NRIP1: variants seen among roughly 807,000 people sequenced by gnomAD.
The protein encoded by NRIP1 is nuclear receptor-interacting protein 1.
Under a neutral mutation model 75.0 loss-of-function variants are expected in NRIP1, and 28 were observed. The ratio of observed to expected loss-of-function variants is 0.37; its 90% CI spans 0.28 to 0.51. The LOEUF (loss-of-function observed/expected upper bound fraction) is 0.51. NRIP1 is among the 20% of genes least tolerant of loss of function. The pLI is 0.92. For synonymous variants in NRIP1, 526 were observed against 487.6 expected, an observed-to-expected ratio of 1.08 and a Z score of -1.04; for missense variants, 1,435 against 1,343.7, an observed-to-expected ratio of 1.07 and a Z score of -1.06.
chr21:15,032,171 T>C (rs1314077091), intron 2 of NRIP1, among the ~76,000 whole-genome samples: 1 of 152,236 alleles, frequency 6.6e-6, no homozygotes, highest in African/African-American at 2.4e-5. Flanking sequence ...AGGGTTTTGA[T>C]TTTTAGCTCA....
intron 2 of NRIP1, among the ~76,000 whole-genome samples, chr21:15,042,826 G>A (rs1256265950): frequency 6.6e-6 from 1 of 152,140 alleles, no homozygotes; most frequent in Non-Finnish European, 1.5e-5. Context: ...CTAAGATAAG[G>A]TACAAAAGAC....
At chr21:15,012,842 T>G (rs544939437) in intron 3 of NRIP1, among the ~76,000 whole-genome samples, 2 of 152,314 alleles carry the variant, frequency 1.3e-5, no homozygotes, top group East Asian at 3.9e-4. Context: ...TGGCTACCTA[T>G]AATTTACTTA....
chr21:14,977,277 A>T (rs2087099262), intron 3 of NRIP1, among the ~76,000 whole-genome samples: 1 of 152,208 alleles, frequency 6.6e-6, no homozygotes, highest in East Asian at 1.9e-4. Flanking sequence ...TTTTATTTAA[A>T]AAAAATACAG....
At chr21:15,040,106 A>T (rs971248071) in intron 2 of NRIP1, among the ~76,000 whole-genome samples, 4 of 152,086 alleles carry the variant, frequency 2.6e-5, no homozygotes, top group Admixed American at 1.3e-4. Context: ...ATCACTAGAC[A>T]CATGTGGCTA....
In NRIP1 at chr21:14,967,666, C is replaced by G; in HGVS notation, c.527G>C (p.Arg176Thr). The change falls in exon 4 of 4, where the codon AGG becomes ACG. Residue 176 changes from arginine to threonine, a missense_variant. By Grantham distance (71) the Arg-to-Thr change is moderately conservative. Coordinates refer to ENST00000318948, the MANE Select transcript of NRIP1 (RefSeq NM_003489.4). ...GTGACTTGATGCAACACCATAGCAC[C>G]TTAAATCCTTCTCCACTTTTAAAGA... The part of the protein sequence containing the change: ...HDSLKVEKDL[R>T]CYGVASSHLK... 2 of 1,614,044 alleles carry G rather than the reference C, an allele frequency of 1.2e-6. No homozygotes were observed. Among genetic ancestry groups the G allele is most frequent in the Non-Finnish European group, 1.7e-6 (2 of 1,179,998 alleles).
chr21:15,004,314 T>C (rs2087915722), intron 3 of NRIP1, among the ~76,000 whole-genome samples: 1 of 152,236 alleles, frequency 6.6e-6, no homozygotes, highest in African/African-American at 2.4e-5. Context: ...GAAAACTGCT[T>C]TGCTAATATC....
chr21:14,967,653 A>G lies in NRIP1; in HGVS notation c.540T>C (p.Val180=). 1.2e-6 allele frequency: 2 copies of G among 1,614,052 alleles called. No individual in the cohort carries two copies. Among genetic ancestry groups the G allele is most frequent in the Non-Finnish European group, 1.7e-6 (2 of 1,179,992 alleles). Reference sequence around the variant, plus strand: ...ACAAAGTTTTTAAGTGACTTGATGCAACACCATAGCACCTTAAATCCTTCT... The same window carrying G: ...ACAAAGTTTTTAAGTGACTTGATGCGACACCATAGCACCTTAAATCCTTCT... The part of the protein sequence containing the change: ...KVEKDLRCYG[V]ASSHLKTLLK... Residue 180 remains valine (V), a synonymous_variant, in exon 4 of 4, where the codon GTT becomes GTC. Coordinates refer to ENST00000318948, the MANE Select transcript of NRIP1 (RefSeq NM_003489.4).
intron 2 of NRIP1, among the ~76,000 whole-genome samples, chr21:15,034,736 A>C (rs1015884727): frequency 6.6e-6 from 1 of 152,186 alleles, no homozygotes; most frequent in Non-Finnish European, 1.5e-5. Flanking sequence ...TCAAACTTGA[A>C]AGGAATCCTA....
intron 3 of NRIP1, among the ~76,000 whole-genome samples, chr21:14,975,579 T>C (rs1244225896): frequency 6.9e-6 from 1 of 144,228 alleles, no homozygotes; most frequent in Non-Finnish European, 1.5e-5. Flanking sequence ...ACTGAGTTAC[T>C]GTACACCGCA....
intron 1 of NRIP1, among the ~76,000 whole-genome samples, chr21:15,064,193 C>A (rs1033644168): frequency 3.3e-5 from 5 of 152,210 alleles, no homozygotes; most frequent in South Asian, 2.1e-4. Context: ...GTGAGCCTCG[C>A]CATCGGGAGG....
At chr21:14,992,043 GT>G (rs2087587190) in intron 3 of NRIP1, among the ~76,000 whole-genome samples, 1 of 151,740 alleles carries the variant, frequency 6.6e-6, no homozygotes, top group African/African-American at 2.4e-5. Flanking sequence ...GTCTTGTTTT[GT>G]TTTGTATGCT....
At chr21:15,054,289 G>A (rs2147384628) in intron 1 of NRIP1, among the ~76,000 whole-genome samples, 1 of 152,254 alleles carries the variant, frequency 6.6e-6, no homozygotes, top group East Asian at 1.9e-4. Flanking sequence ...AGTTAAGTGT[G>A]CCCAGCTGGC....
intron 1 of NRIP1, among the ~76,000 whole-genome samples, chr21:15,063,433 A>G (rs1015014170): frequency 6.6e-6 from 1 of 152,258 alleles, no homozygotes; most frequent in African/African-American, 2.4e-5. Context: ...CAAAGGTGGA[A>G]AACTGATGAT....
intron 3 of NRIP1, among the ~76,000 whole-genome samples, chr21:14,988,438 T>C (rs1405392758): frequency 6.8e-6 from 1 of 147,804 alleles, no homozygotes; most frequent in Non-Finnish European, 1.5e-5. Flanking sequence ...GATAGATAGA[T>C]AGATAGATAG....
chr21:15,018,910 A>G (rs901557183), intron 2 of NRIP1, among the ~76,000 whole-genome samples: 20 of 152,074 alleles, frequency 1.3e-4, no homozygotes, highest in Non-Finnish European at 2.4e-4. Flanking sequence ...TCCCCATTTT[A>G]CGGAGAAAAA....
intron 2 of NRIP1, among the ~76,000 whole-genome samples, chr21:15,031,966 A>G (rs1044881783): frequency 6.6e-5 from 10 of 150,524 alleles, no homozygotes; most frequent in African/African-American, 2.2e-4. Flanking sequence ...TTCCCTTTCT[A>G]TGTGTGTACA....
intron 1 of NRIP1, among the ~76,000 whole-genome samples, chr21:15,045,316 C>A (rs1002176283): frequency 2.2e-4 from 33 of 152,128 alleles, no homozygotes; most frequent in African/African-American, 7.7e-4. Context: ...GGGTTCCATT[C>A]CAGATCACTA....
In NRIP1 at chr21:14,962,735, T is replaced by A. The variant is rs2086624391; in HGVS notation, c.*1981A>T. ...TTCACTTCTCCATGATGTTGCATAA[T>A]ACCCACTCCTATTACTGTATAATAT... On this transcript the variant is annotated 3_prime_UTR_variant, in exon 4 of 4. Transcript: ENST00000318948. The A allele has an allele frequency of 6.6e-6, 1 of 152,486 alleles. No homozygotes were observed. The highest frequency in any genetic ancestry group is 1.5e-5 in the Non-Finnish European group (1 of 67,942). 9.4% of individuals were successfully genotyped at this position (152,486 alleles called of 1,614,324 possible).
chr21:15,024,651 G>A (rs2088473566), intron 2 of NRIP1, among the ~76,000 whole-genome samples: 1 of 151,634 alleles, frequency 6.6e-6, no homozygotes, highest in Admixed American at 6.6e-5. Flanking sequence ...AATAGAGAGG[G>A]GGTAGCCCTA....
Sources: gnomAD v4.1 joint callset for allele counts (sites outside exome capture counted in the v4.1 genomes callset) on GRCh38, gnomAD v4.1.1 for gene constraint, MANE v1.5 for transcripts, NCBI Gene and HGNC (gene_info 2026-07-23, HGNC 2026-07-21) for gene names.